IGF2R: variants seen among roughly 807,000 people sequenced by gnomAD.
IGF2R encodes the protein insulin like growth factor 2 receptor.
A neutral mutation model predicts 270.6 loss-of-function variants in IGF2R; 91 were observed. That is an observed-to-expected ratio of 0.34 (90% CI 0.28 to 0.40). The LOEUF (loss-of-function observed/expected upper bound fraction) is 0.40. Ranked by LOEUF, IGF2R falls within the 10% of genes least tolerant of loss-of-function variation. The pLI is 1.00. For synonymous variants in IGF2R, 1,316 were observed against 1,258.9 expected, an observed-to-expected ratio of 1.05 and a Z score of -0.96; for missense variants, 2,805 against 3,188.3, an observed-to-expected ratio of 0.88 and a Z score of 2.90.
Position 160,075,822 on chromosome 6 carries a change from C to G in IGF2R, c.5167-25C>G, listed in dbSNP as rs8191891. 1.5e-4 allele frequency: 240 copies of G among 1,607,594 alleles called. 2 individuals carry two copies. In the Admixed American group the frequency reaches 3.9e-3, roughly 26 times the overall value. ...TGGGAATGGTTAATTTCCTGAAATACTGTTTGCCCTCGCTCTTTGTTTAGG... is the reference window on the plus strand; with the variant it reads ...TGGGAATGGTTAATTTCCTGAAATAGTGTTTGCCCTCGCTCTTTGTTTAGG... On this transcript the variant is annotated intron_variant, in intron 35 of 47. Coordinates refer to ENST00000356956, the MANE Select transcript of IGF2R (RefSeq NM_000876.4).
chr6:160,047,417 C>G, intron 16 of IGF2R, 81 bp downstream of exon 16: 1 of 1,246,090 alleles, frequency 8.0e-7, no homozygotes, highest in Non-Finnish European at 1.1e-6. Context: ...GAGCTTGTAT[C>G]AGTCTGGGTT....
At chr6:160,065,808 G>A (rs58684746) in intron 29 of IGF2R, among the ~76,000 whole-genome samples, 63 of 55,066 alleles carry the variant, frequency 1.1e-3, no homozygotes, top group African/African-American at 1.9e-3. Context: ...GTGTGTGTGT[G>A]TGTGTGTATA....
At chr6:159,970,296 TAAAAAGGAAGCAGGA>T (rs1783590836) in intron 1 of IGF2R, among the ~76,000 whole-genome samples, 1 of 152,156 alleles carries the variant, frequency 6.6e-6, no homozygotes, top group African/African-American at 2.4e-5. Flanking sequence ...TAAACTTTGG[TAAAAAGGAAGCAGGA>T]TGAAAAGTTT....
intron 4 of IGF2R, among the ~76,000 whole-genome samples, chr6:160,022,106 G>A (rs938370177): frequency 1.1e-4 from 17 of 151,924 alleles, no homozygotes; most frequent in Admixed American, 3.3e-4. Flanking sequence ...AGTAATATTG[G>A]TGGAACTTGA....
chr6:160,083,940 C>A lies in IGF2R; in HGVS notation c.5834-10C>A. ...GTCTGATCTCTCTCTCTTTTCCCTA[C>A]ACTCCCCAGCAAACAGCTACCGGAC... is the stretch of plus-strand genomic sequence containing the variant. On this transcript the variant is annotated splice_polypyrimidine_tract_variant and intron_variant, in intron 39 of 47. Coordinates refer to ENST00000356956, the MANE Select transcript of IGF2R (RefSeq NM_000876.4). The A allele has an allele frequency of 6.3e-7, 1 of 1,591,142 alleles. No individual in the cohort carries two copies. Among genetic ancestry groups the A allele is most frequent in the African/African-American group, 1.3e-5 (1 of 74,618 alleles).
chr6:159,980,183 A>AAAAGAAAGAAAGAAAGAAAG lies in IGF2R; in HGVS notation c.149+10825_149+10844dup, dbSNP rs57599343. 3.6e-4 allele frequency among the ~76,000 whole-genome samples: 44 copies of AAAAGAAAGAAAGAAAGAAAG among 121,974 alleles called. 3 individuals carry two copies. The highest frequency in any genetic ancestry group is 2.2e-3 in the Admixed American group (26 of 11,884). The allele number at this position is 121,974 out of a possible 152,430, so 80.0% of individuals were successfully genotyped here. On this transcript the variant is annotated intron_variant, in intron 1 of 47. Coordinates refer to ENST00000356956, the MANE Select transcript of IGF2R (RefSeq NM_000876.4). ...GCAACACAGTGAGACTCCGTCTCAA[A>AAAAGAAAGAAAGAAAGAAAG]AAAGAAAGAAAGAAAGAAAGAAAGA...
At chr6:160,006,969 G>C (rs1784251335) in intron 2 of IGF2R, 1 of 136,922 alleles carries the variant, frequency 7.3e-6, no homozygotes, top group African/African-American at 2.8e-5. Flanking sequence ...CTGTGTGTTT[G>C]CAACTAAGTT....
chr6:160,105,057 C>T lies in IGF2R; in HGVS notation c.7449C>T (p.Asp2483=), dbSNP rs1410631402. The T allele has an allele frequency of 6.2e-7, 1 of 1,601,674 alleles. No individual in the cohort carries two copies. Among genetic ancestry groups the T allele is most frequent in the African/African-American group, 1.3e-5 (1 of 74,686 alleles). ...CCAAGCTGGTGTCCTTCCATGACGA[C>T]AGCGACGAGGACCTCTTACACATCT... ...SSTKLVSFHD[D]SDEDLLHI is the part of the protein sequence containing the mutation. The change falls in exon 48 of 48, where the codon GAC becomes GAT. Residue 2483 remains aspartate, a synonymous_variant. Coordinates refer to ENST00000356956, the MANE Select transcript of IGF2R (RefSeq NM_000876.4).
intron 44 of IGF2R, chr6:160,094,443 A>T (rs776003746): frequency 5.2e-6 from 1 of 193,158 alleles, no homozygotes; most frequent in Non-Finnish European, 1.1e-5. Context: ...TTCTGTGTAC[A>T]TTCAACATAC....
rs1779630710 is a variant in IGF2R at position 160,106,773 on chromosome 6, A to C, written c.*1689A>C. ...CTTCCCTTGGCTCTTTCTAGATCCG[A>C]TTTCTTTACCTTCTCCAGGCCAACC... On this transcript the variant is annotated 3_prime_UTR_variant, in exon 48 of 48. Coordinates refer to ENST00000356956, the MANE Select transcript of IGF2R (RefSeq NM_000876.4). 1 of 152,082 alleles carries C rather than the reference A, an allele frequency of 6.6e-6. No individual in the cohort carries two copies. The highest frequency in any genetic ancestry group is 2.4e-5 in the African/African-American group (1 of 41,382). The allele number at this position is 152,082 out of a possible 1,614,324, so 9.4% of individuals were successfully genotyped here.
At chr6:160,065,376 T>C (rs1203920756) in intron 29 of IGF2R, among the ~76,000 whole-genome samples, 1 of 152,210 alleles carries the variant, frequency 6.6e-6, no homozygotes, top group Non-Finnish European at 1.5e-5. Context: ...ACACCCAGTA[T>C]GAGCCACTTG....
Position 160,061,630 on chromosome 6 carries a change from C to T in IGF2R, c.3390C>T (p.Tyr1130=). 1 of 1,614,190 alleles carries T rather than the reference C, an allele frequency of 6.2e-7. No homozygotes were observed. The highest frequency in any genetic ancestry group is 1.1e-5 in the South Asian group (1 of 91,076). The change falls in exon 24 of 48, where the codon TAC becomes TAT. Residue 1130 remains tyrosine, a synonymous_variant. Coordinates refer to ENST00000356956, the MANE Select transcript of IGF2R (RefSeq NM_000876.4). Reference sequence around the variant, plus strand: ...TGAGCGTTTGCAATCCTCTCCCTTACATTCCTGGATGCCAGGGTGAGTTCT... The same window carrying T: ...TGAGCGTTTGCAATCCTCTCCCTTATATTCCTGGATGCCAGGGTGAGTTCT... ...FYLSVCNPLP[Y]IPGCQGSAVG... is the part of the protein sequence containing the mutation.
intron 2 of IGF2R, chr6:160,006,929 T>TA (rs35068905): frequency 7.0e-6 from 1 of 141,982 alleles, no homozygotes; most frequent in South Asian, 2.3e-4. Context: ...TTTTTTTTTT[T>TA]ACTGTATCTA....
At chr6:160,016,702 C>T (rs1051832389) in intron 4 of IGF2R, among the ~76,000 whole-genome samples, 21 of 152,086 alleles carry the variant, frequency 1.4e-4, no homozygotes, top group African/African-American at 4.8e-4. Context: ...GCCTGCTCAC[C>T]AGCCTGGTAT....
intron 4 of IGF2R, among the ~76,000 whole-genome samples, chr6:160,021,367 C>G (rs532252925): frequency 2.7e-5 from 4 of 145,468 alleles, no homozygotes; most frequent in African/African-American, 1.0e-4. Context: ...ATCGTATGTT[C>G]TCACTCATAG....
At chr6:160,005,424 C>T (rs677882) in intron 2 of IGF2R, 15,045 of 152,164 alleles carry the variant, frequency 0.099, 965 homozygotes, top group Non-Finnish European at 0.15. Flanking sequence ...GGCCTCTCGC[C>T]GGTGTCGCCC....
rs1030477839 is a variant in IGF2R at position 160,108,879 on chromosome 6, C to T, written c.*3795C>T. 1 of 152,164 alleles carries T rather than the reference C, an allele frequency of 6.6e-6. No homozygotes were observed. Among genetic ancestry groups the T allele is most frequent in the Non-Finnish European group, 1.5e-5 (1 of 68,054 alleles). 9.4% of individuals were successfully genotyped at this position (152,164 alleles called of 1,614,324 possible). A position where few individuals can be genotyped will look rare whatever the true frequency, so the allele number is the denominator to read the frequency against. On this transcript the variant is annotated 3_prime_UTR_variant, in exon 48 of 48. Transcript: ENST00000356956. ...TGTATTTTTAATAGCGACAGGGTTT[C>T]ACCGTGTTGGCCAGGATGGTCTCGA...
rs532697758 is a variant in IGF2R at position 160,109,044 on chromosome 6, C to G, written c.*3960C>G. On this transcript the variant is annotated 3_prime_UTR_variant, in exon 48 of 48. Transcript: ENST00000356956. ...TGTGAATGGTCAGTTATTTGTATTTCTTTACCTTTTATGCTATCTTGTAGT... is the reference window on the plus strand; with the variant it reads ...TGTGAATGGTCAGTTATTTGTATTTGTTTACCTTTTATGCTATCTTGTAGT... 6.6e-6 allele frequency: 1 copy of G among 152,318 alleles called. No individual in the cohort carries two copies. The highest frequency in any genetic ancestry group is 2.1e-4 in the South Asian group (1 of 4,816). 9.4% of individuals were successfully genotyped at this position (152,318 alleles called of 1,614,324 possible).
intron 36 of IGF2R, 98 bp from the exon 37 acceptor site, chr6:160,078,103 C>T: frequency 2.5e-6 from 3 of 1,211,870 alleles, no homozygotes; most frequent in Admixed American, 3.9e-5. Flanking sequence ...TGAGAGGCCG[C>T]TGTGGGTTAT....
Sources: allele counts gnomAD v4.1 joint callset (sites outside exome capture counted in the v4.1 genomes callset), GRCh38; gene constraint gnomAD v4.1.1; transcripts MANE v1.5; gene names NCBI Gene and HGNC (gene_info 2026-07-23, HGNC 2026-07-21).